Variants in MACROD2 observed in about 807,000 individuals in gnomAD.
The protein encoded by MACROD2 is ADP-ribose glycohydrolase MACROD2.
MACROD2 carries 36 observed loss-of-function variants against 70.4 expected under a neutral mutation model. The observed-to-expected ratio is 0.51, with a 90% CI of 0.39 to 0.68. MACROD2 has a LOEUF of 0.68. MACROD2 is among the 30% of genes least tolerant of loss of function. The probability of loss-of-function intolerance (pLI) is 0.00; values close to 1 mark genes in which losing one functional copy is unlikely to be tolerated. For synonymous variants in MACROD2, 172 were observed against 178.8 expected (o/e 0.96, Z 0.30); for missense variants, 496 against 538.4 (o/e 0.92, Z 0.78).
At chr20:14,664,213 G>A (rs6034003) in intron 4 of MACROD2, among the ~76,000 whole-genome samples, 7,127 of 152,120 alleles carry the variant, frequency 0.047, 535 homozygotes, top group African/African-American at 0.16. Context: ...CAGGGTTTTG[G>A]CTCATAAATC....
At chr20:14,556,931 A>C (rs1278276395) in intron 4 of MACROD2, among the ~76,000 whole-genome samples, 1 of 152,012 alleles carries the variant, frequency 6.6e-6, no homozygotes, top group Non-Finnish European at 1.5e-5. Flanking sequence ...ACAGTTTTGA[A>C]ATGAAAGAAC....
At chr20:14,799,314 T>C (rs2072546574) in intron 5 of MACROD2, among the ~76,000 whole-genome samples, 1 of 152,064 alleles carries the variant, frequency 6.6e-6, no homozygotes, top group South Asian at 2.1e-4. Flanking sequence ...CAGCACAATC[T>C]TACTATTAAA....
intron 8 of MACROD2, among the ~76,000 whole-genome samples, chr20:15,744,964 TA>T (rs2051161052): frequency 6.6e-6 from 1 of 152,194 alleles, no homozygotes; most frequent in Non-Finnish European, 1.5e-5. Flanking sequence ...CAAAAAAAGA[TA>T]AAAACTAAAT....
chr20:15,762,209 T>A (rs1010602135), intron 8 of MACROD2, among the ~76,000 whole-genome samples: 9 of 152,172 alleles, frequency 5.9e-5, no homozygotes, highest in African/African-American at 1.9e-4. Flanking sequence ...TACAGACTAC[T>A]GTTCATACAT....
intron 5 of MACROD2, among the ~76,000 whole-genome samples, chr20:15,018,540 G>C (rs563399126): frequency 6.6e-6 from 1 of 151,990 alleles, no homozygotes; most frequent in Admixed American, 6.6e-5. Flanking sequence ...CCCACTGTAC[G>C]GGTACCAATT....
intron 5 of MACROD2, among the ~76,000 whole-genome samples, chr20:14,702,103 G>T (rs1213606751): frequency 6.6e-6 from 1 of 151,538 alleles, no homozygotes; most frequent in Non-Finnish European, 1.5e-5. Context: ...TGTTTCTTTT[G>T]AATTTCTTCC....
At chr20:14,086,016 G>A (rs6135057) in intron 3 of MACROD2, among the ~76,000 whole-genome samples, 4 of 152,182 alleles carry the variant, frequency 2.6e-5, no homozygotes, top group African/African-American at 9.6e-5. Context: ...AAGAACTTTA[G>A]CAAGTATATT....
intron 7 of MACROD2, among the ~76,000 whole-genome samples, chr20:15,461,006 A>ATATATATATATATATATTTTTTTT: frequency 6.7e-4 from 45 of 66,986 alleles, no homozygotes; most frequent in South Asian, 2.7e-3. Flanking sequence ...ATATATATAT[A>ATATATATATATATATATTTTTTTT]TTTTTTTTTA....
chr20:15,051,338 ATGTGTGTGTGTGTGTGTGTGTGTGTGTG>A (rs6147297), intron 5 of MACROD2, among the ~76,000 whole-genome samples: 19,308 of 129,436 alleles, frequency 0.15, 1,729 homozygotes, highest in East Asian at 0.34. Context: ...TCAGTAGGAG[ATGTGTGTGTGTGTGTGTGTGTGTGTGTG>A]TGTGTGTGTG....
At chr20:15,997,934 T>G (rs975047524) in intron 15 of MACROD2, among the ~76,000 whole-genome samples, 1 of 152,210 alleles carries the variant, frequency 6.6e-6, no homozygotes, top group African/African-American at 2.4e-5. Context: ...CAGATGCTTT[T>G]TCTGCATATA....
chr20:15,134,884 C>G (rs1213896517), intron 5 of MACROD2, among the ~76,000 whole-genome samples: 1 of 151,966 alleles, frequency 6.6e-6, no homozygotes, highest in Admixed American at 6.6e-5. Flanking sequence ...AAGGGGATAT[C>G]ACCACCGATC....
intron 12 of MACROD2, among the ~76,000 whole-genome samples, chr20:15,942,954 A>G (rs887243671): frequency 2.0e-5 from 3 of 152,232 alleles, no homozygotes; most frequent in Admixed American, 1.3e-4. Flanking sequence ...TCAGGTGCAT[A>G]CCCAGGCTTG....
chr20:15,969,184 A>T (rs79428244), intron 13 of MACROD2, among the ~76,000 whole-genome samples: 1,689 of 152,248 alleles, frequency 0.011, 25 homozygotes, highest in African/African-American at 0.038. Context: ...AGACCAGTCC[A>T]GATTGCTAGT....
At chr20:14,136,422 A>G (rs1228300641) in intron 3 of MACROD2, among the ~76,000 whole-genome samples, 1 of 152,200 alleles carries the variant, frequency 6.6e-6, no homozygotes, top group Non-Finnish European at 1.5e-5. Flanking sequence ...CGTTCTTGCT[A>G]CATATTATCT....
At chr20:15,858,797 G>C (rs1234776670) in intron 8 of MACROD2, among the ~76,000 whole-genome samples, 1 of 152,130 alleles carries the variant, frequency 6.6e-6, no homozygotes, top group Non-Finnish European at 1.5e-5. Flanking sequence ...AAGAAGACCA[G>C]GCAGAAACTG....
intron 8 of MACROD2, among the ~76,000 whole-genome samples, chr20:15,805,518 C>T (rs1457073645): frequency 2.0e-5 from 3 of 151,204 alleles, no homozygotes; most frequent in Non-Finnish European, 4.4e-5. Flanking sequence ...CTCTTTTTGC[C>T]CAGGCTGGAG....
At chr20:14,511,902 TGTAC>T (rs1362621720) in intron 4 of MACROD2, among the ~76,000 whole-genome samples, 2 of 150,568 alleles carry the variant, frequency 1.3e-5, no homozygotes, top group African/African-American at 5.0e-5. Flanking sequence ...TCCATAGCAC[TGTAC>T]TACACCACGC....
At chr20:14,642,034 T>C (rs1454626752) in intron 4 of MACROD2, among the ~76,000 whole-genome samples, 1 of 152,246 alleles carries the variant, frequency 6.6e-6, no homozygotes, top group African/African-American at 2.4e-5. Flanking sequence ...TTTGTCTAGA[T>C]TGAAAATCTG....
chr20:15,367,408 G>A (rs772703340), intron 6 of MACROD2, among the ~76,000 whole-genome samples: 1 of 152,016 alleles, frequency 6.6e-6, no homozygotes, highest in African/African-American at 2.4e-5. Flanking sequence ...ATTCTCTTGG[G>A]AGAATCAAAG....
Sources: gnomAD v4.1 joint callset for allele counts (sites outside exome capture counted in the v4.1 genomes callset) on GRCh38, gnomAD v4.1.1 for gene constraint, MANE v1.5 for transcripts, NCBI Gene and HGNC (gene_info 2026-07-23, HGNC 2026-07-21) for gene names.